Variants in RASL12 observed in about 807,000 individuals in gnomAD.
RASL12 encodes the protein RAS like family 12, also known as ras-like protein family member 12.
Under a neutral mutation model 22.9 loss-of-function variants are expected in RASL12, and 16 were observed. The ratio of observed to expected loss-of-function variants is 0.70; its 90% CI spans 0.47 to 1.06. The LOEUF is 1.06. Ranked by LOEUF, RASL12 falls within the 50% of genes least tolerant of loss-of-function variation. The pLI is 0.00. For missense variants in RASL12, 306 were observed against 353.1 expected (o/e 0.87, Z 1.07); for synonymous variants, 159 against 152.2 (o/e 1.04, Z -0.33).
downstream of RASL12, among the ~76,000 whole-genome samples, chr15:65,051,116 T>C (rs369262980): frequency 2.0e-3 from 310 of 152,278 alleles, 1 homozygote; most frequent in African/African-American, 7.3e-3. Flanking sequence ...AGTGCTGGGA[T>C]TATAGGCGTG....
At chr15:65,049,393 G>A (rs1160140301), downstream of RASL12, 1 of 151,646 alleles carries the variant, frequency 6.6e-6, no homozygotes, top group East Asian at 1.9e-4. Context: ...CTCAGCATCA[G>A]GAGCCGGCAG....
At chr15:65,051,674 A>G, downstream of RASL12, 2 of 1,460,962 alleles carry the variant, frequency 1.4e-6, no homozygotes, top group South Asian at 2.3e-5. Context: ...CCAGAGGGAA[A>G]TCTAGAGAGG....
At chr15:65,047,377 T>C in the RASL12 span, among the ~76,000 whole-genome samples, 1 of 151,288 alleles carries the variant, frequency 6.6e-6, no homozygotes, top group African/African-American at 2.4e-5. Context: ...AAAATATACA[T>C]AGAAATATAT....
chr15:65,060,219 C>T (rs2086785471), intron 2 of RASL12, among the ~76,000 whole-genome samples: 1 of 152,214 alleles, frequency 6.6e-6, no homozygotes, highest in Non-Finnish European at 1.5e-5. Flanking sequence ...GGCATGGGGC[C>T]TGGCTCACCA....
At chr15:65,065,179 G>C (rs1416564794) in intron 2 of RASL12, 38 bp downstream of exon 2, 1 of 1,600,420 alleles carries the variant, frequency 6.2e-7, no homozygotes, top group Admixed American at 1.7e-5. Flanking sequence ...CTCCAGATGG[G>C]GCACAGGCAG....
chr15:65,049,300 A>G (rs2086616493), downstream of RASL12: 1 of 151,644 alleles, frequency 6.6e-6, no homozygotes, highest in Non-Finnish European at 1.5e-5. Context: ...CCTTGCAAAT[A>G]ACAGAAACCA....
intron 2 of RASL12, among the ~76,000 whole-genome samples, chr15:65,059,835 A>T (rs1203268394): frequency 6.6e-6 from 1 of 152,174 alleles, no homozygotes; most frequent in African/African-American, 2.4e-5. Flanking sequence ...CCCCAGTGGG[A>T]GAAGAGACAA....
chr15:65,055,346 C>T, intron 4 of RASL12, 72 bp from the exon 5 acceptor site: 2 of 1,370,090 alleles, frequency 1.5e-6, no homozygotes, highest in Non-Finnish European at 1.9e-6. Context: ...AGCTCCTACA[C>T]CCAGCGCCCC....
the RASL12 span, among the ~76,000 whole-genome samples, chr15:65,047,487 T>C: frequency 6.6e-6 from 1 of 152,158 alleles, no homozygotes; most frequent in African/African-American, 2.4e-5. Flanking sequence ...GAATATCCCA[T>C]GTGTCTAAAT....
intron 1 of RASL12, among the ~76,000 whole-genome samples, chr15:65,074,649 G>A (rs959347262): frequency 3.9e-5 from 6 of 152,046 alleles, no homozygotes; most frequent in Admixed American, 3.9e-4. Context: ...AACCATTCTC[G>A]GCCCCCAAAA....
chr15:65,050,833 C>CTTTTTTTTTTTTTTTTTTTT (rs67418433), downstream of RASL12, among the ~76,000 whole-genome samples: 38 of 88,598 alleles, frequency 4.3e-4, no homozygotes, highest in African/African-American at 5.4e-4. Context: ...TCTTCTTCTT[C>CTTTTTTTTTTTTTTTTTTTT]TTCTTTTTTT....
At chr15:65,047,078 T>C in the RASL12 span, among the ~76,000 whole-genome samples, 1 of 152,012 alleles carries the variant, frequency 6.6e-6, no homozygotes, top group Non-Finnish European at 1.5e-5. Flanking sequence ...ATACAAAGGC[T>C]GGGTGCAGTG....
downstream of RASL12, among the ~76,000 whole-genome samples, chr15:65,050,705 A>T (rs1303021730): frequency 6.6e-6 from 1 of 152,132 alleles, no homozygotes; most frequent in African/African-American, 2.4e-5. Context: ...TCATTTGGGT[A>T]CAGCATGGAC....
chr15:65,072,435 G>C (rs1211571278), upstream of RASL12, among the ~76,000 whole-genome samples: 3 of 152,150 alleles, frequency 2.0e-5, no homozygotes, highest in Non-Finnish European at 2.9e-5. Flanking sequence ...GTATCCTAAG[G>C]GGGAGAGAAG....
chr15:65,059,518 C>T, intron 2 of RASL12, 100 bp from the exon 3 acceptor site: 2 of 896,442 alleles, frequency 2.2e-6, no homozygotes, highest in East Asian at 2.5e-5. Flanking sequence ...GGGACCTTAG[C>T]AGCTGCTCTG....
chr15:65,066,996 G>A (rs191638093), intron 1 of RASL12, among the ~76,000 whole-genome samples: 1 of 152,344 alleles, frequency 6.6e-6, no homozygotes, highest in African/African-American at 2.4e-5. Flanking sequence ...GGCTCATCAA[G>A]GACAATCCCA....
chr15:65,061,410 A>G (rs2086802963), intron 2 of RASL12, among the ~76,000 whole-genome samples: 1 of 152,232 alleles, frequency 6.6e-6, no homozygotes, highest in Non-Finnish European at 1.5e-5. Flanking sequence ...ACATGCCTGC[A>G]TGAGCTGGAA....
At chr15:65,068,050 C>T, upstream of RASL12, 1 of 1,107,126 alleles carries the variant, frequency 9.0e-7, no homozygotes, top group African/African-American at 1.7e-5. The surrounding 1 kb of genome is among the most constrained non-coding windows in gnomAD (Gnocchi z 4.2). Context: ...CCCCAAGCGC[C>T]ACCAAATTCC....
rs1057372544 is a variant in RASL12 at position 65,058,561 on chromosome 15, C to T, written c.291G>A (p.Val97=). 1 of 1,609,522 alleles carries T rather than the reference C, an allele frequency of 6.2e-7. No individual in the cohort carries two copies. Among genetic ancestry groups the T allele is most frequent in the Non-Finnish European group, 8.5e-7 (1 of 1,176,934 alleles). ...AGCTCTGGCGGCTGTCGACGCTGTA[C>T]ACCACCAGGAAGGCATGGGCCCAGT... ...YLNWAHAFLV[V]YSVDSRQSFD... The change falls in exon 4 of 5, where the codon GTG becomes GTA. Residue 97 remains valine (V), a synonymous_variant. Transcript: ENST00000220062.
Sources: gnomAD v4.1 joint callset for allele counts (sites outside exome capture counted in the v4.1 genomes callset) on GRCh38, gnomAD v4.1.1 for gene constraint, Gnocchi (gnomAD v3.1) non-coding constraint, MANE v1.5 for transcripts, NCBI Gene and HGNC (gene_info 2026-07-23, HGNC 2026-07-21) for gene names.